The following USP15 variants were observed in gnomAD, a reference collection of about 807,000 sequenced individuals.
USP15 encodes the protein ubiquitin carboxyl-terminal hydrolase 15.
In USP15, 18 loss-of-function variants were observed where a neutral mutation model predicts 127.1. The observed-to-expected ratio is 0.14, with a 90% CI of 0.10 to 0.21. The LOEUF (loss-of-function observed/expected upper bound fraction) is 0.21. Ranked by LOEUF, USP15 falls within the 10% of genes least tolerant of loss-of-function variation. USP15 has a pLI of 1.00. For missense variants in USP15, 805 were observed against 1,159.9 expected (o/e 0.69, Z 4.44); for synonymous variants, 364 against 393.7 (o/e 0.92, Z 0.89).
At chr12:62,396,934 G>A (rs1292587777) in intron 20 of USP15, among the ~76,000 whole-genome samples, 1 of 152,036 alleles carries the variant, frequency 6.6e-6, no homozygotes, top group African/African-American at 2.4e-5. Context: ...ATTGTTTATG[G>A]TATCGTATGT....
intron 3 of USP15, among the ~76,000 whole-genome samples, chr12:62,310,212 T>TACATATATATAATAA (rs2064621490): frequency 6.6e-6 from 1 of 151,984 alleles, no homozygotes; most frequent in African/African-American, 2.4e-5. Context: ...GAAAATCTGT[T>TACATATATATAATAA]ACATATATAT....
chr12:62,365,867 G>A lies in USP15; in HGVS notation c.915+10392G>A, dbSNP rs527639307. 2.0e-5 allele frequency among the ~76,000 whole-genome samples: 3 copies of A among 152,264 alleles called. No homozygotes were observed. In the East Asian group the frequency reaches 5.8e-4, roughly 29 times the overall value. ...TGTCAAAGATCAGATTGATGTAAATGTGTGGTGTTATTTCTGATGCCTCTG... is the reference window on the plus strand; with the variant it reads ...TGTCAAAGATCAGATTGATGTAAATATGTGGTGTTATTTCTGATGCCTCTG... On this transcript the variant is annotated intron_variant, in intron 8 of 21. Transcript: ENST00000280377.
intron 8 of USP15, among the ~76,000 whole-genome samples, chr12:62,375,794 A>G (rs1380557425): frequency 6.6e-6 from 1 of 152,204 alleles, no homozygotes; most frequent in Non-Finnish European, 1.5e-5. Flanking sequence ...TATAAAATAT[A>G]TATGAAGGCA....
intron 6 of USP15, among the ~76,000 whole-genome samples, chr12:62,338,123 C>T (rs2065531939): frequency 6.6e-6 from 1 of 152,168 alleles, no homozygotes; most frequent in South Asian, 2.1e-4. Flanking sequence ...CCTGTTTCTC[C>T]ACATCTTCTC....
intron 6 of USP15, chr12:62,335,023 T>C: frequency 1.4e-6 from 1 of 704,722 alleles, no homozygotes. Flanking sequence ...TTCAGCTAAA[T>C]GGAAGTCTTA....
At chr12:62,388,334 T>C (rs1265699035) in intron 11 of USP15, among the ~76,000 whole-genome samples, 1 of 152,118 alleles carries the variant, frequency 6.6e-6, no homozygotes, top group Non-Finnish European at 1.5e-5. Context: ...GGTTTTGCCA[T>C]GTTATCCAGG....
intron 4 of USP15, among the ~76,000 whole-genome samples, chr12:62,318,018 G>T (rs952338308): frequency 4.6e-5 from 7 of 152,098 alleles, no homozygotes; most frequent in African/African-American, 1.7e-4. Context: ...ATTTTTGTGA[G>T]TAACCTGTAT....
At chr12:62,269,277 A>G (rs966495893) in intron 1 of USP15, among the ~76,000 whole-genome samples, 3 of 152,110 alleles carry the variant, frequency 2.0e-5, no homozygotes, top group African/African-American at 7.2e-5. Flanking sequence ...CCTGTACAAC[A>G]TGTTACTGTA....
rs748714475 is a variant in USP15, at chr12:62,355,361, A to G, written c.801A>G (p.Ser267=). Reference sequence around the variant, plus strand: ...AAAACTCAAATTACTGTCTTCCATCATATACCGCTTATAAGAACTATGATT... The same window carrying G: ...AAAACTCAAATTACTGTCTTCCATCGTATACCGCTTATAAGAACTATGATT... ...NVKNSNYCLP[S]YTAYKNYDYS... The change falls in exon 8 of 22, where the codon TCA becomes TCG. Residue 267 remains serine, a synonymous_variant. Transcript: ENST00000280377. 8.2e-5 allele frequency: 132 copies of G among 1,610,372 alleles called. No homozygotes were observed. The Middle Eastern group carries it at 1.2e-3, about 14-fold the overall frequency.
At chr12:62,361,486 T>C in intron 8 of USP15, among the ~76,000 whole-genome samples, 1 of 152,026 alleles carries the variant, frequency 6.6e-6, no homozygotes, top group East Asian at 1.9e-4. Flanking sequence ...ACAAAGTGGT[T>C]TTACTATCCT....
intron 6 of USP15, among the ~76,000 whole-genome samples, chr12:62,345,144 C>G (rs1291231387): frequency 2.0e-5 from 3 of 152,154 alleles, no homozygotes; most frequent in Non-Finnish European, 4.4e-5. Context: ...AATTCTCCAA[C>G]CTTTTATGCT....
intron 19 of USP15, among the ~76,000 whole-genome samples, chr12:62,394,851 C>CAAAA (rs751952712): frequency 1.0e-5 from 1 of 95,288 alleles, no homozygotes. Flanking sequence ...GACTCCCTCT[C>CAAAA]AAAAAAAAAA....
chr12:62,357,288 A>C (rs960134229), intron 8 of USP15, among the ~76,000 whole-genome samples: 1 of 152,056 alleles, frequency 6.6e-6, no homozygotes, highest in Non-Finnish European at 1.5e-5. Context: ...GCATATGGTT[A>C]ACTGCAATTT....
intron 1 of USP15, among the ~76,000 whole-genome samples, chr12:62,287,219 C>T (rs1013217767): frequency 1.3e-5 from 2 of 151,964 alleles, no homozygotes; most frequent in African/African-American, 4.8e-5. Flanking sequence ...TCTCAGGTAC[C>T]GTATTTGCTA....
intron 1 of USP15, among the ~76,000 whole-genome samples, chr12:62,267,449 G>A (rs576177948): frequency 3.3e-5 from 5 of 152,056 alleles, no homozygotes; most frequent in African/African-American, 4.8e-5. Context: ...ACCCCTGTAG[G>A]ATTAACCTGC....
At chr12:62,391,539 T>C in intron 16 of USP15, 110 bp downstream of exon 16, 1 of 1,371,166 alleles carries the variant, frequency 7.3e-7, no homozygotes, top group Non-Finnish European at 9.8e-7. Context: ...CCATTTACTT[T>C]TCTATCTCAA....
intron 1 of USP15, among the ~76,000 whole-genome samples, chr12:62,279,977 C>T (rs1246399370): frequency 6.6e-6 from 1 of 152,110 alleles, no homozygotes. Flanking sequence ...TTCTTAATCA[C>T]AGCTTTGACA....
chr12:62,314,003 A>C, intron 3 of USP15: 2 of 897,192 alleles, frequency 2.2e-6, no homozygotes, highest in Non-Finnish European at 2.7e-6. Flanking sequence ...AACAGTATTC[A>C]TGACTGAAAT....
At chr12:62,390,773 A>C in intron 14 of USP15, 91 bp from the exon 15 acceptor site, 1 of 851,178 alleles carries the variant, frequency 1.2e-6, no homozygotes, top group Non-Finnish European at 1.8e-6. Flanking sequence ...TTACTGCATT[A>C]AAAAGTTTTG....
Sources: allele counts gnomAD v4.1 joint callset (sites outside exome capture counted in the v4.1 genomes callset), GRCh38; gene constraint gnomAD v4.1.1; transcripts MANE v1.5; gene names NCBI Gene and HGNC (gene_info 2026-07-23, HGNC 2026-07-21).